Variants in PTPRD observed in about 807,000 individuals in gnomAD.
PTPRD encodes the protein receptor-type tyrosine-protein phosphatase delta.
In PTPRD, 34 loss-of-function variants were observed where a neutral mutation model predicts 214.5. The observed-to-expected ratio is 0.16, with a 90% CI of 0.12 to 0.21. The LOEUF (loss-of-function observed/expected upper bound fraction) is 0.21, where lower values mean the gene tolerates loss of function less well. PTPRD is among the 10% of genes least tolerant of loss of function. The pLI is 1.00. For missense variants in PTPRD, 2,545 were observed against 2,398.7 expected, an observed-to-expected ratio of 1.06 and a Z score of -1.27; for synonymous variants, 1,128 against 845.7, an observed-to-expected ratio of 1.33 and a Z score of -5.79.
intron 10 of PTPRD, among the ~76,000 whole-genome samples, chr9:9,084,685 G>A (rs551497477): frequency 6.6e-6 from 1 of 152,032 alleles, no homozygotes; most frequent in African/African-American, 2.4e-5. Flanking sequence ...CCCTAACAAT[G>A]GTAGTAAAAA....
intron 8 of PTPRD, among the ~76,000 whole-genome samples, chr9:9,442,782 G>T (rs1279140622): frequency 6.6e-6 from 1 of 152,092 alleles, no homozygotes; most frequent in Non-Finnish European, 1.5e-5. Flanking sequence ...GTCTTCTTTT[G>T]GCGGTGGTTT....
intron 35 of PTPRD, among the ~76,000 whole-genome samples, chr9:8,408,620 C>A (rs1210798166): frequency 6.6e-6 from 1 of 152,172 alleles, no homozygotes; most frequent in Admixed American, 6.5e-5. Context: ...AAAAATGCTA[C>A]TTCGTCGTAT....
intron 7 of PTPRD, among the ~76,000 whole-genome samples, chr9:9,715,735 A>G (rs545027374): frequency 2.3e-4 from 35 of 152,166 alleles, no homozygotes; most frequent in Non-Finnish European, 2.1e-4. Context: ...TTAAAATCCT[A>G]TTTCAAAGAG....
chr9:9,332,372 C>G (rs1443105994), intron 9 of PTPRD, among the ~76,000 whole-genome samples: 2 of 151,866 alleles, frequency 1.3e-5, no homozygotes, highest in African/African-American at 2.4e-5. Context: ...ACTAGATGAT[C>G]TACATACCTC....
chr9:10,003,397 A>C (rs2096383516), intron 4 of PTPRD, among the ~76,000 whole-genome samples: 1 of 151,858 alleles, frequency 6.6e-6, no homozygotes, highest in Non-Finnish European at 1.5e-5. Flanking sequence ...ATTTTAGAAG[A>C]TAATTTGAAG....
At chr9:9,275,084 T>TATATA (rs1944598243) in intron 9 of PTPRD, among the ~76,000 whole-genome samples, 11 of 68,694 alleles carry the variant, frequency 1.6e-4, no homozygotes, top group Non-Finnish European at 3.0e-4. Context: ...ATATATATAA[T>TATATA]ATATATGTTA....
At chr9:10,176,844 T>C (rs1330339992) in intron 3 of PTPRD, among the ~76,000 whole-genome samples, 1 of 151,998 alleles carries the variant, frequency 6.6e-6, no homozygotes, top group Non-Finnish European at 1.5e-5. Flanking sequence ...AAACACTTAA[T>C]GTCTAGTTTT....
chr9:8,965,669 A>G (rs767458646), intron 11 of PTPRD, among the ~76,000 whole-genome samples: 1 of 152,102 alleles, frequency 6.6e-6, no homozygotes, highest in South Asian at 2.1e-4. Flanking sequence ...TGACAAACCC[A>G]CAGTTAACAT....
intron 19 of PTPRD, among the ~76,000 whole-genome samples, chr9:8,522,462 C>G (rs1206637103): frequency 1.3e-5 from 2 of 152,132 alleles, no homozygotes; most frequent in Non-Finnish European, 2.9e-5. Flanking sequence ...GTTTCACATA[C>G]AGGATTCCAT....
chr9:8,392,046 A>G (rs1258657257), intron 36 of PTPRD, among the ~76,000 whole-genome samples: 1 of 152,092 alleles, frequency 6.6e-6, no homozygotes, highest in African/African-American at 2.4e-5. Context: ...TTGCCTGAAG[A>G]CTACTAGGCA....
At chr9:9,254,270 T>G (rs1407068645) in intron 9 of PTPRD, among the ~76,000 whole-genome samples, 6 of 152,022 alleles carry the variant, frequency 3.9e-5, no homozygotes, top group African/African-American at 1.4e-4. Context: ...AAAATTTCCT[T>G]TTTGGACAAA....
At chr9:10,082,049 T>C (rs1010707086) in intron 3 of PTPRD, among the ~76,000 whole-genome samples, 9 of 152,068 alleles carry the variant, frequency 5.9e-5, no homozygotes, top group Admixed American at 3.3e-4. Context: ...ATATCAACAA[T>C]AAATCTGTGT....
chr9:9,534,210 C>T (rs912392116), intron 8 of PTPRD, among the ~76,000 whole-genome samples: 8 of 151,994 alleles, frequency 5.3e-5, no homozygotes, highest in Admixed American at 1.3e-4. Flanking sequence ...TAATGTTTCT[C>T]TATAAAATAT....
intron 3 of PTPRD, among the ~76,000 whole-genome samples, chr9:10,085,631 A>C (rs2098324290): frequency 6.6e-6 from 1 of 151,728 alleles, no homozygotes; most frequent in African/African-American, 2.4e-5. Flanking sequence ...ACTCAGGAAG[A>C]ATACTGGCGC....
intron 2 of PTPRD, among the ~76,000 whole-genome samples, chr9:10,455,341 C>G (rs1168810739): frequency 6.6e-6 from 1 of 151,734 alleles, no homozygotes; most frequent in Non-Finnish European, 1.5e-5. Flanking sequence ...TTCCTTCCAT[C>G]TCTAATTTCA....
Position 8,633,442 on chromosome 9 carries a change from T to G in PTPRD, c.227A>C (p.Asp76Ala). 1.9e-6 allele frequency: 3 copies of G among 1,612,298 alleles called. No homozygotes were observed. The highest frequency in any genetic ancestry group is 2.5e-6 in the Non-Finnish European group (3 of 1,178,900). ...TATTCTGAGAACTGATCCAGACCCA[T>G]CGTCAAACTCTATTACCTATTAGAG... The part of the protein sequence containing the change: ...NQRFEVIEFD[D>A]GSGSVLRIQP... The change falls in exon 14 of 46, where the codon GAT (aspartate) becomes GCT (alanine). Residue 76 changes from aspartate to alanine, a missense_variant. Transcript: ENST00000381196.
intron 11 of PTPRD, among the ~76,000 whole-genome samples, chr9:8,817,361 A>G (rs1237958914): frequency 6.6e-6 from 1 of 152,242 alleles, no homozygotes; most frequent in Non-Finnish European, 1.5e-5. Context: ...ATAGTAAAAG[A>G]AGTTCTATGT....
intron 2 of PTPRD, among the ~76,000 whole-genome samples, chr9:10,362,827 C>T (rs775685150): frequency 6.6e-6 from 1 of 152,120 alleles, no homozygotes; most frequent in Non-Finnish European, 1.5e-5. Context: ...TGGCAGTGAG[C>T]CGACATCGTG....
chr9:9,823,662 T>A (rs1012643874), intron 5 of PTPRD, among the ~76,000 whole-genome samples: 1 of 152,102 alleles, frequency 6.6e-6, no homozygotes, highest in Non-Finnish European at 1.5e-5. Flanking sequence ...CTCACTCATA[T>A]GTGTGAGTTA....
Sources: allele counts gnomAD v4.1 joint callset (sites outside exome capture counted in the v4.1 genomes callset), GRCh38; gene constraint gnomAD v4.1.1; transcripts MANE v1.5; gene names NCBI Gene and HGNC (gene_info 2026-07-23, HGNC 2026-07-21).